The following ZNF558 variants were observed in gnomAD, a reference collection of about 807,000 sequenced individuals.
ZNF558 encodes the protein zinc finger protein 558.
A neutral mutation model predicts 37.6 loss-of-function variants in ZNF558; 23 were observed. That is an observed-to-expected ratio of 0.61 (90% confidence interval 0.44 to 0.87). The LOEUF is 0.87. ZNF558 is among the 40% of genes least tolerant of loss of function. The pLI is 0.00. For synonymous variants in ZNF558, 189 were observed against 174.4 expected (o/e 1.08, Z -0.66); for missense variants, 429 against 483.7 (o/e 0.89, Z 1.06).
At chr19:8,819,865 C>T (rs372669996) in intron 7 of ZNF558, among the ~76,000 whole-genome samples, 8 of 152,122 alleles carry the variant, frequency 5.3e-5, no homozygotes, top group Admixed American at 2.0e-4. Context: ...CACTTGAACC[C>T]GGAAGGCAGA....
chr19:8,830,230 C>T (rs1568478686), intron 2 of ZNF558, among the ~76,000 whole-genome samples: 1 of 152,140 alleles, frequency 6.6e-6, no homozygotes, highest in African/African-American at 2.4e-5. Context: ...CCTGAGGCCT[C>T]CCCCGCCATG....
upstream of ZNF558, chr19:8,832,356 C>T (rs1291816013): frequency 6.6e-6 from 1 of 152,368 alleles, no homozygotes; most frequent in Non-Finnish European, 1.5e-5. Flanking sequence ...ACGTCCCCTT[C>T]CGGCTCGCGC....
intron 2 of ZNF558, among the ~76,000 whole-genome samples, chr19:8,828,709 C>T (rs1269485935): frequency 9.8e-5 from 15 of 152,286 alleles, no homozygotes; most frequent in Non-Finnish European, 2.1e-4. Context: ...TGTCTGTAAT[C>T]CCAGCACTTT....
intron 7 of ZNF558, among the ~76,000 whole-genome samples, chr19:8,819,865 CG>C (rs1412187607): frequency 6.6e-6 from 1 of 152,122 alleles, no homozygotes; most frequent in Non-Finnish European, 1.5e-5. Context: ...CACTTGAACC[CG>C]GAAGGCAGAG....
In ZNF558 at chr19:8,822,009, C is replaced by T. The variant is rs1468060365; in HGVS notation, c.114G>A (p.Trp38Ter). ...AAAGGAACATCTGACTCACCCGTAG[C>T]CAGCTTGTCAGGAGCTCATTAACCA... is the stretch of plus-strand genomic sequence containing the variant. Reference protein sequence around the residue: ...GELVNELLTSWLRGLVTFEDV... With the variant: ...GELVNELLTS The change falls in exon 6 of 10, where the codon TGG (tryptophan) becomes TGA (stop). Residue 38 changes from tryptophan (W) to a stop codon, truncating the protein, a stop_gained. Coordinates refer to ENST00000601372, the MANE Select transcript of ZNF558 (RefSeq NM_144693.3). LOFTEE classifies it high-confidence loss of function. This position sits in a 1 kb window ranked among gnomAD's most constrained non-coding sequence, Gnocchi z 4.4. The T allele has an allele frequency of 1.2e-6, 2 of 1,613,914 alleles. No individual in the cohort carries two copies. Among genetic ancestry groups the T allele is most frequent in the Admixed American group, 1.7e-5 (1 of 59,988 alleles).
chr19:8,813,328 G>A, intron 7 of ZNF558, 106 bp from the exon 8 acceptor site: 1 of 836,598 alleles, frequency 1.2e-6, no homozygotes, highest in Non-Finnish European at 1.9e-6. Context: ...GACTTTAGGA[G>A]CAGTGAAATA....
At chr19:8,827,568 A>G (rs931962823) in intron 2 of ZNF558, among the ~76,000 whole-genome samples, 1 of 98,972 alleles carries the variant, frequency 1.0e-5, no homozygotes, top group Non-Finnish European at 2.1e-5. Context: ...TTCTTTCCCT[A>G]TTCTTTTTTT....
In ZNF558 at chr19:8,824,219, ATG is replaced by A. The variant is rs2044178156; in HGVS notation, c.-205_-204del. ...GTTGCTCTAGAGGACACCAGTTGCC[ATG>A]GTGGGAAGACGCTCAAGTGGCCCTG... On this transcript the variant is annotated 5_prime_UTR_variant, in exon 4 of 10. An upstream start codon of the reference 5' UTR is lost. Transcript: ENST00000601372. The A allele has an allele frequency of 6.6e-6, 1 of 152,262 alleles. No homozygotes were observed. Among genetic ancestry groups the A allele is most frequent in the Non-Finnish European group, 1.5e-5 (1 of 68,136 alleles). The allele number at this position is 152,262 out of a possible 1,614,324, so 9.4% of individuals were successfully genotyped here. A position where few individuals can be genotyped will look rare whatever the true frequency, so the allele number is the denominator to read the frequency against.
At chr19:8,831,604 A>C (rs2044357643) in intron 1 of ZNF558, among the ~76,000 whole-genome samples, 1 of 152,352 alleles carries the variant, frequency 6.6e-6, no homozygotes, top group East Asian at 1.9e-4. Context: ...GAGGGGAGAA[A>C]GCAGCTTAAC....
At position 8,807,939 on chromosome 19, in the gene ZNF558, G is replaced by A. The variant is rs1191919386; in HGVS notation, c.*3342C>T. ...ACCATTTACCAGTCAGTGAATGCAG[G>A]CAAGTAACTTAAGTGTATCATACCA... On this transcript the variant is annotated 3_prime_UTR_variant, in exon 10 of 10. Coordinates refer to ENST00000601372, the MANE Select transcript of ZNF558 (RefSeq NM_144693.3). 1.3e-5 allele frequency: 2 copies of A among 152,164 alleles called. No individual in the cohort carries two copies. Among genetic ancestry groups the A allele is most frequent in the African/African-American group, 2.4e-5 (1 of 41,428 alleles). 9.4% of individuals were successfully genotyped at this position (152,164 alleles called of 1,614,324 possible).
At position 8,812,657 on chromosome 19, in the gene ZNF558, A is replaced by G. The variant is rs1306379382; in HGVS notation, c.344-14T>C. On this transcript the variant is annotated splice_polypyrimidine_tract_variant and intron_variant, in intron 8 of 9. Transcript: ENST00000601372. ...GAGTCTCCAAATCTGAAACAAATTG[A>G]AAAGAAATTTAGGTTGATGGAGAAA... is the stretch of plus-strand genomic sequence containing the variant. The G allele has an allele frequency of 6.4e-7, 1 of 1,559,502 alleles. No homozygotes were observed. Among genetic ancestry groups the G allele is most frequent in the Non-Finnish European group, 8.7e-7 (1 of 1,150,030 alleles).
Position 8,812,562 on chromosome 19 carries a change from G to A in ZNF558, c.425C>T (p.Thr142Met), listed in dbSNP as rs142547484. ...AGAAATCACCCATGTTAGTCTTACCGTTTTTACACCTTTAGACTGTTCTTT... is the reference window on the plus strand; with the variant it reads ...AGAAATCACCCATGTTAGTCTTACCATTTTTACACCTTTAGACTGTTCTTT... ...FRKEQSKGVK[T>M]ERSHRGVKLN... The change falls in exon 9 of 10, where the codon ACG becomes ATG. Residue 142 changes from threonine to methionine, a missense_variant and splice_region_variant. Coordinates refer to ENST00000601372, the MANE Select transcript of ZNF558 (RefSeq NM_144693.3). 91 of 1,567,106 alleles carry A rather than the reference G, an allele frequency of 5.8e-5. No individual in the cohort carries two copies. Among genetic ancestry groups the A allele is most frequent in the Non-Finnish European group, 7.0e-5 (81 of 1,163,836 alleles).
At chr19:8,821,370 G>A (rs755160722) in intron 6 of ZNF558, 64 bp from the exon 7 acceptor site, 9 of 1,613,938 alleles carry the variant, frequency 5.6e-6, no homozygotes, top group African/African-American at 1.3e-5. Context: ...ACAGGAAGAG[G>A]GGCCAGGAGA....
At position 8,822,562 on chromosome 19, in the gene ZNF558, G is replaced by A; in HGVS notation, c.31+67C>T. ...ACCTGCTCTGCCCAACCCCGCTCGT[G>A]TCCCATGCTGTGGGTCAGAACCTTT... On this transcript the variant is annotated intron_variant, in intron 5 of 9. Coordinates refer to ENST00000601372, the MANE Select transcript of ZNF558 (RefSeq NM_144693.3). This position sits in a 1 kb window ranked among gnomAD's most constrained non-coding sequence, Gnocchi z 4.4. 1 of 1,609,264 alleles carries A rather than the reference G, an allele frequency of 6.2e-7. No homozygotes were observed. The highest frequency in any genetic ancestry group is 8.5e-7 in the Non-Finnish European group (1 of 1,176,054).
Position 8,822,765 on chromosome 19 carries a change from C to G in ZNF558, c.-65-41G>C. 1.3e-6 allele frequency: 2 copies of G among 1,572,342 alleles called. No homozygotes were observed. Among genetic ancestry groups the G allele is most frequent in the Non-Finnish European group, 1.7e-6 (2 of 1,149,182 alleles). On this transcript the variant is annotated intron_variant, in intron 4 of 9. Coordinates refer to ENST00000601372, the MANE Select transcript of ZNF558 (RefSeq NM_144693.3). The surrounding 1 kb of genome is among the most constrained non-coding windows in gnomAD (Gnocchi z 4.4). The stretch of plus-strand genomic sequence containing the variant: ...ATGCTCCAAGTCTCCGTGGCCTCCT[C>G]CCTCTCGGGCTGCTGGGGATGGGCC...
At chr19:8,813,715 C>T (rs1164630834) in intron 7 of ZNF558, among the ~76,000 whole-genome samples, 2 of 152,170 alleles carry the variant, frequency 1.3e-5, no homozygotes, top group African/African-American at 4.8e-5. Flanking sequence ...AACAAAAATG[C>T]AACAAGCATA....
Position 8,811,045 on chromosome 19 carries a change from A to G in ZNF558, c.*236T>C. 6.8e-6 allele frequency: 3 copies of G among 443,056 alleles called. No individual in the cohort carries two copies. The highest frequency in any genetic ancestry group is 8.0e-6 in the Non-Finnish European group (2 of 250,358). The allele number at this position is 443,056 out of a possible 1,614,324, so 27.4% of individuals were successfully genotyped here. ...GACTATAGCTTTGGCTGACATCTTG[A>G]TTGTAAGTAAAGGCATGAGAGATCC... On this transcript the variant is annotated 3_prime_UTR_variant, in exon 10 of 10. Coordinates refer to ENST00000601372, the MANE Select transcript of ZNF558 (RefSeq NM_144693.3).
chr19:8,810,624 TAGA>T lies in ZNF558; in HGVS notation c.*654_*656del, dbSNP rs1231588718. On this transcript the variant is annotated 3_prime_UTR_variant, in exon 10 of 10. Transcript: ENST00000601372. The stretch of plus-strand genomic sequence containing the variant: ...GAATGCTATTTCATATTGATTAGAG[TAGA>T]AGGATGATGTGCTGAGGGCTTTTCT... 25 of 152,230 alleles carry T rather than the reference TAGA, an allele frequency of 1.6e-4. No individual in the cohort carries two copies. Among genetic ancestry groups the T allele is most frequent in the African/African-American group, 5.5e-4 (23 of 41,442 alleles). The allele number at this position is 152,230 out of a possible 1,614,324, so 9.4% of individuals were successfully genotyped here.
rs201320436 is a variant in ZNF558, at chr19:8,820,186, C to T, written c.247+994G>A. Among the ~76,000 whole-genome samples, 8 of 152,230 alleles carry T rather than the reference C, an allele frequency of 5.3e-5. No homozygotes were observed. In the South Asian group the frequency reaches 6.2e-4, roughly 12 times the overall value. On this transcript the variant is annotated intron_variant, in intron 7 of 9. Coordinates refer to ENST00000601372, the MANE Select transcript of ZNF558 (RefSeq NM_144693.3). ...TGGAACCCTCCTGCATTGGCGGGAA[C>T]GTGCAATGGTGCAGCTGCTGTGGAA...
Sources: gnomAD v4.1 joint callset for allele counts (sites outside exome capture counted in the v4.1 genomes callset) on GRCh38, gnomAD v4.1.1 for gene constraint, Gnocchi (gnomAD v3.1) non-coding constraint, MANE v1.5 for transcripts, NCBI Gene and HGNC (gene_info 2026-07-23, HGNC 2026-07-21) for gene names.